The following PRKCQ variants were observed in gnomAD, a reference collection of about 807,000 sequenced individuals.
The protein encoded by PRKCQ is protein kinase C theta type.
A neutral mutation model predicts 91.2 loss-of-function variants in PRKCQ; 41 were observed. That is an observed-to-expected ratio of 0.45 (90% CI 0.35 to 0.58). PRKCQ has a LOEUF of 0.58. Among genes scored for constraint, PRKCQ ranks in the 20% least tolerant of loss-of-function variants. The probability of loss-of-function intolerance (pLI) is 0.00; values close to 1 mark genes in which losing one functional copy is unlikely to be tolerated. For missense variants in PRKCQ, 673 were observed against 896.5 expected (o/e 0.75, Z 3.18); for synonymous variants, 307 against 316.9 (o/e 0.97, Z 0.33).
At chr10:6,532,646 C>T (rs1839434490) in intron 1 of PRKCQ, among the ~76,000 whole-genome samples, 1 of 152,222 alleles carries the variant, frequency 6.6e-6, no homozygotes, top group Non-Finnish European at 1.5e-5. Context: ...AACATGACAG[C>T]ATTTTTTAAC....
chr10:6,463,273 G>A (rs961034758), intron 13 of PRKCQ, among the ~76,000 whole-genome samples: 8 of 152,196 alleles, frequency 5.3e-5, no homozygotes, highest in African/African-American at 1.9e-4. Context: ...GTGGGATTAA[G>A]GTCGGATATA....
intron 17 of PRKCQ, among the ~76,000 whole-genome samples, chr10:6,428,601 G>A (rs1486407255): frequency 1.3e-5 from 2 of 152,138 alleles, no homozygotes; most frequent in East Asian, 3.9e-4. Flanking sequence ...GACTACGACT[G>A]TAGACATTCA....
intron 1 of PRKCQ, among the ~76,000 whole-genome samples, chr10:6,558,986 A>C (rs1840523700): frequency 6.6e-6 from 1 of 152,360 alleles, no homozygotes; most frequent in South Asian, 2.1e-4. Context: ...CGTTAAAAGC[A>C]GGGCAGAAGG....
chr10:6,486,174 G>T (rs764779178), intron 8 of PRKCQ, 30 bp from the exon 9 acceptor site: 1 of 1,573,054 alleles, frequency 6.4e-7, no homozygotes, highest in Non-Finnish European at 8.7e-7. Flanking sequence ...TAGTGAGCAA[G>T]AGTGGAAGAA....
chr10:6,558,712 G>A (rs1211309740), intron 1 of PRKCQ, among the ~76,000 whole-genome samples: 3 of 152,220 alleles, frequency 2.0e-5, no homozygotes, highest in East Asian at 1.9e-4. Context: ...GGTGGTCACC[G>A]TGATGCAGGA....
intron 1 of PRKCQ, among the ~76,000 whole-genome samples, chr10:6,555,146 C>T (rs1389129295): frequency 1.3e-5 from 2 of 151,418 alleles, no homozygotes; most frequent in Non-Finnish European, 2.9e-5. Context: ...GGGGGGGGGT[C>T]TAGGGTTGAA....
chr10:6,433,531 C>G (rs547236739), intron 16 of PRKCQ, among the ~76,000 whole-genome samples: 1 of 152,044 alleles, frequency 6.6e-6, no homozygotes, highest in African/African-American at 2.4e-5. Flanking sequence ...CATTTTATCT[C>G]GGTTGCCTGT....
At chr10:6,484,252 A>G (rs1279327230) in intron 10 of PRKCQ, among the ~76,000 whole-genome samples, 1 of 152,144 alleles carries the variant, frequency 6.6e-6, no homozygotes, top group Non-Finnish European at 1.5e-5. Flanking sequence ...CATCTCTACT[A>G]AAATACAAAG....
chr10:6,551,971 T>G (rs1480432014), intron 1 of PRKCQ, among the ~76,000 whole-genome samples: 1 of 152,206 alleles, frequency 6.6e-6, no homozygotes, highest in African/African-American at 2.4e-5. Flanking sequence ...TCCACAACCT[T>G]GCCAGCATCT....
At chr10:6,394,628 A>C in the PRKCQ span, among the ~76,000 whole-genome samples, 2 of 148,890 alleles carry the variant, frequency 1.3e-5, no homozygotes, top group African/African-American at 5.1e-5. Context: ...ACATACGCCA[A>C]ATCGTCAGAC....
chr10:6,550,043 C>T (rs1840123509), intron 1 of PRKCQ, among the ~76,000 whole-genome samples: 1 of 152,132 alleles, frequency 6.6e-6, no homozygotes, highest in African/African-American at 2.4e-5. Flanking sequence ...TGAAATTCTG[C>T]ACCCATTAAA....
the PRKCQ span, among the ~76,000 whole-genome samples, chr10:6,421,996 TTTTACAAA>T: frequency 6.6e-6 from 1 of 152,226 alleles, no homozygotes; most frequent in Non-Finnish European, 1.5e-5. The surrounding 1 kb of genome is among the most constrained non-coding windows in gnomAD (Gnocchi z 4.1). Context: ...TTGTATTAAC[TTTTACAAA>T]TTGTATCTTG....
chr10:6,444,332 G>C (rs1191568520), intron 15 of PRKCQ, among the ~76,000 whole-genome samples: 1 of 152,166 alleles, frequency 6.6e-6, no homozygotes, highest in Non-Finnish European at 1.5e-5. Context: ...GGCCTCCAAA[G>C]TGCTGGGATT....
the PRKCQ span, among the ~76,000 whole-genome samples, chr10:6,412,844 C>T: frequency 6.6e-6 from 1 of 152,276 alleles, no homozygotes; most frequent in East Asian, 1.9e-4. Flanking sequence ...CCACTAGGTA[C>T]AGCCTGGTAT....
intron 1 of PRKCQ, among the ~76,000 whole-genome samples, chr10:6,517,117 G>A (rs936804388): frequency 3.8e-4 from 58 of 152,026 alleles, no homozygotes; most frequent in African/African-American, 1.4e-3. Flanking sequence ...CAATAGAACC[G>A]CAAGCTCAGG....
At chr10:6,534,668 A>C (rs1213425353) in intron 1 of PRKCQ, among the ~76,000 whole-genome samples, 1 of 151,672 alleles carries the variant, frequency 6.6e-6, no homozygotes, top group African/African-American at 2.4e-5. Flanking sequence ...GTTTAAATAT[A>C]TAATGGCATG....
chr10:6,563,101 C>G (rs145193466), intron 1 of PRKCQ, among the ~76,000 whole-genome samples: 1 of 152,110 alleles, frequency 6.6e-6, no homozygotes, highest in Non-Finnish European at 1.5e-5. Context: ...CCCTTGTCAA[C>G]TAGATCCCAG....
At chr10:6,529,368 T>C (rs1209584447) in intron 1 of PRKCQ, among the ~76,000 whole-genome samples, 1 of 152,200 alleles carries the variant, frequency 6.6e-6, no homozygotes, top group Non-Finnish European at 1.5e-5. Context: ...GACTCTACCA[T>C]CTTGTGACCC....
chr10:6,558,013 T>C (rs552803069), intron 1 of PRKCQ, among the ~76,000 whole-genome samples: 9 of 152,342 alleles, frequency 5.9e-5, no homozygotes, highest in African/African-American at 1.9e-4. Flanking sequence ...ATGATTCCAA[T>C]AGATGTTTAA....
Sources: gnomAD v4.1 joint callset for allele counts (sites outside exome capture counted in the v4.1 genomes callset) on GRCh38, gnomAD v4.1.1 for gene constraint, Gnocchi (gnomAD v3.1) non-coding constraint, MANE v1.5 for transcripts, NCBI Gene and HGNC (gene_info 2026-07-23, HGNC 2026-07-21) for gene names.